The following ADGRG7 variants were observed in gnomAD, a reference collection of about 807,000 sequenced individuals.
The protein encoded by ADGRG7 is adhesion G protein-coupled receptor G7, also known as G-protein coupled receptor 128.
ADGRG7 carries 82 observed loss-of-function variants against 88.6 expected under a neutral mutation model. That is an observed-to-expected ratio of 0.93 (90% CI 0.77 to 1.11). ADGRG7 has a LOEUF of 1.11. Among genes scored for constraint, ADGRG7 ranks in the 50% most tolerant of loss-of-function variants. The pLI, the probability that ADGRG7 is intolerant of heterozygous loss-of-function variation, is 0.00. For synonymous variants in ADGRG7, 381 were observed against 345.2 expected, an observed-to-expected ratio of 1.10 and a Z score of -1.15; for missense variants, 945 against 953.4, an observed-to-expected ratio of 0.99 and a Z score of 0.12.
intron 15 of ADGRG7, among the ~76,000 whole-genome samples, chr3:100,689,292 C>T (rs1310063357): frequency 1.3e-5 from 2 of 152,136 alleles, no homozygotes; most frequent in African/African-American, 4.8e-5. Flanking sequence ...AGATGTGTTT[C>T]CTGAATACAG....
chr3:100,673,819 C>T (rs2094961624), intron 15 of ADGRG7, among the ~76,000 whole-genome samples: 1 of 152,172 alleles, frequency 6.6e-6, no homozygotes, highest in South Asian at 2.1e-4. Context: ...AAAACCAGCT[C>T]CTGGATTCAT....
chr3:100,640,193 T>A (rs2149022602), intron 6 of ADGRG7, among the ~76,000 whole-genome samples: 1 of 152,350 alleles, frequency 6.6e-6, no homozygotes, highest in African/African-American at 2.4e-5. Flanking sequence ...GGAAATTAAT[T>A]GTTGTTTAGG....
rs1465859537 is a variant in ADGRG7 at position 100,659,715 on chromosome 3, T to C, written c.1851T>C (p.Asn617=). The change falls in exon 14 of 16, where the codon AAT becomes AAC. Residue 617 remains asparagine (N), a synonymous_variant. Transcript: ENST00000273352. The stretch of plus-strand genomic sequence containing the variant: ...GCTGGCTGGCAATTCCAGAACCCAA[T>C]GGTGTTATAAAAAGTCCGCTGTTGT... The part of the protein sequence containing the change: ...KICWLAIPEP[N]GVIKSPLLWS... 22 of 1,614,020 alleles carry C rather than the reference T, an allele frequency of 1.4e-5. No individual in the cohort carries two copies. Among genetic ancestry groups the C allele is most frequent in the Non-Finnish European group, 1.7e-5 (20 of 1,179,994 alleles).
intron 1 of ADGRG7, among the ~76,000 whole-genome samples, chr3:100,626,269 C>A (rs1707379430): frequency 6.6e-6 from 1 of 152,148 alleles, no homozygotes; most frequent in Non-Finnish European, 1.5e-5. Context: ...TTATCCATTT[C>A]TTCTAGATTT....
intron 15 of ADGRG7, among the ~76,000 whole-genome samples, chr3:100,684,671 CT>C (rs1260237772): frequency 3.3e-5 from 5 of 151,980 alleles, no homozygotes; most frequent in Non-Finnish European, 7.4e-5. Flanking sequence ...TTTTTTTTCC[CT>C]ATACGTCTAT....
chr3:100,629,792 G>T (rs1273411688), intron 2 of ADGRG7, 81 bp downstream of exon 2: 2 of 897,192 alleles, frequency 2.2e-6, no homozygotes, highest in Non-Finnish European at 3.6e-6. Flanking sequence ...GCTTCTAGAA[G>T]CTTCAGTTAA....
At chr3:100,624,114 A>G in intron 1 of ADGRG7, among the ~76,000 whole-genome samples, 1 of 152,142 alleles carries the variant, frequency 6.6e-6, no homozygotes, top group East Asian at 1.9e-4. Flanking sequence ...GAATTGCCAC[A>G]CTTTCTTCCA....
chr3:100,670,726 G>A lies in ADGRG7; in HGVS notation c.2136+1621G>A, dbSNP rs374575326. 2.9e-3 allele frequency among the ~76,000 whole-genome samples: 433 copies of A among 151,814 alleles called. 2 individuals are homozygous for A. The highest frequency in any genetic ancestry group is 0.01 in the African/African-American group (418 of 41,392). On this transcript the variant is annotated intron_variant, in intron 15 of 15. Transcript: ENST00000273352. ...TCCCTTCCCTAGCCCCCCAGCCCCC[G>A]ACAGGCCCCAGTGTGTGATGTTCCC... is the stretch of plus-strand genomic sequence containing the variant.
At chr3:100,612,217 T>TA (rs988467746) in intron 1 of ADGRG7, among the ~76,000 whole-genome samples, 20 of 151,480 alleles carry the variant, frequency 1.3e-4, no homozygotes, top group East Asian at 5.8e-4. Flanking sequence ...TTGTGAAAAA[T>TA]AAAAAAAAAT....
In ADGRG7 at chr3:100,694,928, G is replaced by T; in HGVS notation, c.2321G>T (p.Arg774Met). The part of the protein sequence containing the change: ...RSLPTLHERF[R>M]LLETSPSTEE... ...TTGCCAACCTTACATGAACGCTTTA[G>T]GCTACTGGAAACCTCTCCGAGTACT... The change falls in exon 16 of 16, where the codon AGG (arginine) becomes ATG (methionine). Residue 774 changes from arginine to methionine, a missense_variant. Coordinates refer to ENST00000273352, the MANE Select transcript of ADGRG7 (RefSeq NM_032787.3). 6.2e-7 allele frequency: 1 copy of T among 1,614,094 alleles called. No homozygotes were observed. The highest frequency in any genetic ancestry group is 8.5e-7 in the Non-Finnish European group (1 of 1,180,012).
intron 6 of ADGRG7, 98 bp downstream of exon 6, chr3:100,637,500 T>C: frequency 2.5e-6 from 2 of 789,978 alleles, no homozygotes; most frequent in Non-Finnish European, 4.2e-6. Context: ...CTCTCATGGA[T>C]GCAGTAACTG....
rs1441103200 is a variant in ADGRG7, at chr3:100,628,685, A to G, written c.116-913A>G. Among the ~76,000 whole-genome samples the G allele has an allele frequency of 3.3e-5, 5 of 151,936 alleles. No individual in the cohort carries two copies. The East Asian group carries it at 9.6e-4, about 29-fold the overall frequency. On this transcript the variant is annotated intron_variant, in intron 1 of 15. Transcript: ENST00000273352. ...ATTCTTCCACTTAGTTAATTTGTTC[A>G]CCTTTCACTCTGTTTTACAATTTAG...
intron 5 of ADGRG7, among the ~76,000 whole-genome samples, chr3:100,636,594 C>T (rs1019833461): frequency 2.6e-5 from 4 of 151,994 alleles, no homozygotes; most frequent in Admixed American, 6.6e-5. Flanking sequence ...TATCAGCATG[C>T]CCTGAAAATA....
In ADGRG7 at chr3:100,629,622, C is replaced by A; in HGVS notation, c.140C>A (p.Thr47Asn). 6.2e-7 allele frequency: 1 copy of A among 1,612,512 alleles called. No individual in the cohort carries two copies. The highest frequency in any genetic ancestry group is 2.2e-5 in the East Asian group (1 of 44,844). The change falls in exon 2 of 16, where the codon ACC becomes AAC. Residue 47 changes from threonine to asparagine, a missense_variant. Thr to Asn is a moderately conservative substitution (Grantham distance 65, BLOSUM62 0). Coordinates refer to ENST00000273352, the MANE Select transcript of ADGRG7 (RefSeq NM_032787.3). ...GGAAAATCTACTTCCTCATCAAGCA[C>A]CCCTACAGAGTTCTGCAGGAATGGT... ...QRGKSTSSSS[T>N]PTEFCRNGGT...
chr3:100,614,959 T>G (rs1467307807), intron 1 of ADGRG7, among the ~76,000 whole-genome samples: 1 of 152,158 alleles, frequency 6.6e-6, no homozygotes, highest in Non-Finnish European at 1.5e-5. Flanking sequence ...TTTAAAAGAA[T>G]ATAGGAAAAT....
intron 6 of ADGRG7, among the ~76,000 whole-genome samples, chr3:100,639,983 T>G (rs1707611041): frequency 6.6e-6 from 1 of 152,218 alleles, no homozygotes; most frequent in Admixed American, 6.5e-5. Context: ...TCCAATTATT[T>G]TCTAATAATG....
intron 6 of ADGRG7, among the ~76,000 whole-genome samples, chr3:100,640,792 G>A: frequency 6.6e-6 from 1 of 152,038 alleles, no homozygotes; most frequent in East Asian, 1.9e-4. Context: ...AGACTGTTGG[G>A]GTTATAGGCG....
intron 6 of ADGRG7, among the ~76,000 whole-genome samples, chr3:100,637,924 C>A (rs143625528): frequency 2.0e-5 from 3 of 152,210 alleles, no homozygotes; most frequent in Non-Finnish European, 2.9e-5. Context: ...CAACCCCTTG[C>A]GGGAGGGAAT....
Position 100,637,353 on chromosome 3 carries a change from G to T in ADGRG7, c.649G>T (p.Asp217Tyr). Residue 217 changes from aspartate (D) to tyrosine (Y), a missense_variant, in exon 6 of 16, where the codon GAT becomes TAT. By Grantham distance (160) the Asp-to-Tyr change is radical. Coordinates refer to ENST00000273352, the MANE Select transcript of ADGRG7 (RefSeq NM_032787.3). ...TVSQLLDASE[D>Y]AFQRVAATAN... is the part of the protein sequence containing the mutation. ...GAGTCAACTCCTAGATGCCAGTGAA[G>T]ATGCTTTTCAAAGAGTTGCTGCTAC... 3.7e-6 allele frequency: 6 copies of T among 1,614,002 alleles called. No individual in the cohort carries two copies. Among genetic ancestry groups the T allele is most frequent in the Non-Finnish European group, 5.1e-6 (6 of 1,179,918 alleles).
Sources: allele counts gnomAD v4.1 joint callset (sites outside exome capture counted in the v4.1 genomes callset), GRCh38; gene constraint gnomAD v4.1.1; transcripts MANE v1.5; gene names NCBI Gene and HGNC (gene_info 2026-07-23, HGNC 2026-07-21).